The following NALCN variants were observed in gnomAD, a reference collection of about 807,000 sequenced individuals.
NALCN encodes the protein sodium leak channel, non-selective.
A neutral mutation model predicts 225.3 loss-of-function variants in NALCN; 111 were observed. The observed-to-expected ratio is 0.49, with a 90% CI of 0.42 to 0.58. The LOEUF is 0.58. NALCN is among the 20% of genes least tolerant of loss of function. NALCN has a pLI of 0.00. For missense variants in NALCN, 1,378 were observed against 2,202.4 expected (o/e 0.63, Z 7.49); for synonymous variants, 764 against 769.0 (o/e 0.99, Z 0.11).
intron 17 of NALCN, among the ~76,000 whole-genome samples, chr13:101,136,241 G>C (rs560976834): frequency 6.6e-6 from 1 of 152,186 alleles, no homozygotes; most frequent in Non-Finnish European, 1.5e-5. Context: ...AGAATTTACT[G>C]CAAAGACCAG....
At chr13:101,142,633 G>C (rs1413881194) in intron 17 of NALCN, 1 of 162,610 alleles carries the variant, frequency 6.1e-6, no homozygotes, top group African/African-American at 2.4e-5. Context: ...TTGCACCTAA[G>C]TTCCTGCCAC....
At chr13:101,415,130 G>A (rs372870076) in intron 1 of NALCN, among the ~76,000 whole-genome samples, 2 of 149,948 alleles carry the variant, frequency 1.3e-5, no homozygotes, top group East Asian at 1.9e-4. Context: ...TGCCTCAGGG[G>A]TAACTACCAT....
In NALCN at chr13:101,143,210, A is replaced by T; in HGVS notation, c.1988T>A (p.Met663Lys). The change falls in exon 17 of 44, where the codon ATG becomes AAG. Residue 663 changes from methionine to lysine, a missense_variant. This residue lies in a region of NALCN where 100 missense variants were observed against 89.4 expected (regional missense o/e 1.12). Coordinates refer to ENST00000251127, the MANE Select transcript of NALCN (RefSeq NM_052867.4). ...TTGCTGGCGGTCAATAAACTGCTTC[A>T]TAAAACTCTCCCTTTGCAAATGAAG... ...FTVPKIRESF[M>K]KQFIDRQQQD... The T allele has an allele frequency of 6.2e-7, 1 of 1,608,692 alleles. No individual in the cohort carries two copies. The highest frequency in any genetic ancestry group is 8.5e-7 in the Non-Finnish European group (1 of 1,177,256).
chr13:101,316,224 AC>A (rs2044549651), intron 7 of NALCN, among the ~76,000 whole-genome samples: 1 of 152,210 alleles, frequency 6.6e-6, no homozygotes, highest in Non-Finnish European at 1.5e-5. Flanking sequence ...CCACACAGCA[AC>A]AGATGACAAT....
intron 13 of NALCN, among the ~76,000 whole-genome samples, chr13:101,197,247 T>C (rs2039929656): frequency 6.6e-6 from 1 of 152,144 alleles, no homozygotes; most frequent in Non-Finnish European, 1.5e-5. Context: ...GAAGACAGTC[T>C]TAAGGGATGA....
chr13:101,331,693 C>T (rs2045179026), intron 7 of NALCN, among the ~76,000 whole-genome samples: 1 of 152,114 alleles, frequency 6.6e-6, no homozygotes, highest in Non-Finnish European at 1.5e-5. Context: ...ACACAAAAAA[C>T]TGGTCCCAGG....
chr13:101,278,729 A>T (rs532104319), intron 10 of NALCN, among the ~76,000 whole-genome samples: 1 of 152,230 alleles, frequency 6.6e-6, no homozygotes, highest in South Asian at 2.1e-4. Flanking sequence ...TCCTGGCAAA[A>T]CTATCCAGAG....
At chr13:101,056,508 T>C (rs1247222400) in intron 43 of NALCN, among the ~76,000 whole-genome samples, 2 of 152,072 alleles carry the variant, frequency 1.3e-5, no homozygotes, top group African/African-American at 4.8e-5. Flanking sequence ...ATGATCCACC[T>C]GCCTCGGCCT....
At position 101,058,065 on chromosome 13, in the gene NALCN, G is replaced by C. The variant is rs1459889630; in HGVS notation, c.4906-9C>G. On this transcript the variant is annotated splice_polypyrimidine_tract_variant and intron_variant, in intron 42 of 43. Coordinates refer to ENST00000251127, the MANE Select transcript of NALCN (RefSeq NM_052867.4). ...TGCTGCTGGCTGCTTGTCTGCATGG[G>C]AGGAGAAGCACACAGTTACCGTCTT... 1.9e-6 allele frequency: 3 copies of C among 1,609,608 alleles called. No homozygotes were observed. The highest frequency in any genetic ancestry group is 2.5e-6 in the Non-Finnish European group (3 of 1,178,830).
chr13:101,065,683 A>G (rs1391405164), intron 39 of NALCN, 122 bp from the exon 40 acceptor site: 13 of 1,221,888 alleles, frequency 1.1e-5, no homozygotes, highest in Middle Eastern at 5.1e-4. Flanking sequence ...CCAGATGTGA[A>G]GAAAGCTGGT....
intron 7 of NALCN, among the ~76,000 whole-genome samples, chr13:101,297,672 G>A (rs1363704613): frequency 6.6e-6 from 1 of 152,164 alleles, no homozygotes; most frequent in Non-Finnish European, 1.5e-5. Context: ...CCCTTTGCGT[G>A]AATCATCCTT....
intron 7 of NALCN, among the ~76,000 whole-genome samples, chr13:101,324,634 A>C (rs1204435754): frequency 6.6e-6 from 1 of 152,156 alleles, no homozygotes; most frequent in African/African-American, 2.4e-5. Context: ...TTGTATCCTG[A>C]GACTTTGCTG....
chr13:101,269,069 A>G (rs481324), intron 10 of NALCN, among the ~76,000 whole-genome samples: 130,469 of 152,104 alleles, frequency 0.86, 58,702 homozygotes, highest in East Asian at 0.99. Context: ...AAGAATAAAC[A>G]TGCTAAAATC....
At chr13:101,321,578 C>A (rs2044747648) in intron 7 of NALCN, among the ~76,000 whole-genome samples, 1 of 151,902 alleles carries the variant, frequency 6.6e-6, no homozygotes, top group Non-Finnish European at 1.5e-5. Flanking sequence ...AGAACTATTC[C>A]CATGGTACAC....
chr13:101,306,209 T>C (rs2044149396), intron 7 of NALCN, among the ~76,000 whole-genome samples: 1 of 152,170 alleles, frequency 6.6e-6, no homozygotes, highest in Admixed American at 6.5e-5. Context: ...TGACTAAGGA[T>C]GCCCCAGGCC....
At chr13:101,097,257 A>G (rs186117559) in intron 27 of NALCN, among the ~76,000 whole-genome samples, 32 of 152,344 alleles carry the variant, frequency 2.1e-4, no homozygotes, top group African/African-American at 7.0e-4. Flanking sequence ...GTTTTGGAGT[A>G]TATCCTTCCA....
At chr13:101,337,867 A>G (rs78363784) in intron 7 of NALCN, among the ~76,000 whole-genome samples, 4,821 of 152,256 alleles carry the variant, frequency 0.032, 264 homozygotes, top group African/African-American at 0.11. Flanking sequence ...GCAGCAAGAC[A>G]TGGCTTCCAA....
At chr13:101,326,892 T>C (rs947604656) in intron 7 of NALCN, among the ~76,000 whole-genome samples, 3 of 152,184 alleles carry the variant, frequency 2.0e-5, no homozygotes, top group Non-Finnish European at 4.4e-5. Context: ...GTTCTCCATG[T>C]GGCCTCTTCT....
At chr13:101,186,871 C>T (rs1239424094) in intron 14 of NALCN, among the ~76,000 whole-genome samples, 1 of 151,978 alleles carries the variant, frequency 6.6e-6, no homozygotes, top group Non-Finnish European at 1.5e-5. Context: ...AAATTGTAAA[C>T]AATTAGAAGA....
Sources: allele counts gnomAD v4.1 joint callset (sites outside exome capture counted in the v4.1 genomes callset), GRCh38; gene constraint gnomAD v4.1.1; regional missense constraint gnomAD v4.1.1; transcripts MANE v1.5; gene names NCBI Gene and HGNC (gene_info 2026-07-23, HGNC 2026-07-21).